FNDC1: variants seen among roughly 807,000 people sequenced by gnomAD.
The protein encoded by FNDC1 is fibronectin type III domain containing 1, also known as fibronectin type III domain-containing protein 1.
In FNDC1, 96 loss-of-function variants were observed where a neutral mutation model predicts 168.0. That is an observed-to-expected ratio of 0.57 (90% CI 0.48 to 0.68). The LOEUF (loss-of-function observed/expected upper bound fraction) is 0.68. FNDC1 is among the 30% of genes least tolerant of loss of function. FNDC1 has a pLI of 0.00. For synonymous variants in FNDC1, 1,099 were observed against 1,025.9 expected, an observed-to-expected ratio of 1.07 and a Z score of -1.36; for missense variants, 2,587 against 2,482.1, an observed-to-expected ratio of 1.04 and a Z score of -0.90.
chr6:159,257,545 A>G (rs1777401074), intron 18 of FNDC1, among the ~76,000 whole-genome samples: 2 of 152,168 alleles, frequency 1.3e-5, no homozygotes, highest in Admixed American at 1.3e-4. Context: ...GGTGCACCCA[A>G]GGCCTCTCAT....
chr6:159,207,889 T>C (rs546445677), intron 4 of FNDC1, among the ~76,000 whole-genome samples: 1 of 152,366 alleles, frequency 6.6e-6, no homozygotes, highest in South Asian at 2.1e-4. Flanking sequence ...TGTTAAATTT[T>C]CCTTAGAATA....
rs372428924 is a variant in FNDC1, at chr6:159,233,647, G to T, written c.3135G>T (p.Ser1045=). ...LTQAGRPRPT[S]QGRSHSSSDP... is the part of the protein sequence containing the mutation. ...AGGCCGGGCGGCCCCGCCCCACGTC[G>T]CAGGGCCGCTCCCACTCCTCCTCGG... The change falls in exon 11 of 23, where the codon TCG becomes TCT. Residue 1045 remains serine, a synonymous_variant. Coordinates refer to ENST00000297267, the MANE Select transcript of FNDC1 (RefSeq NM_032532.3). The surrounding 1 kb of genome is among the most constrained non-coding windows in gnomAD (Gnocchi z 4.6). The T allele has an allele frequency of 3.2e-6, 5 of 1,553,504 alleles. No individual in the cohort carries two copies. Among genetic ancestry groups the T allele is most frequent in the African/African-American group, 2.7e-5 (2 of 73,200 alleles).
In FNDC1 at chr6:159,239,678, A is replaced by T. The variant is rs1350428018; in HGVS notation, c.4342A>T (p.Thr1448Ser). The T allele has an allele frequency of 7.1e-6, 11 of 1,551,220 alleles. No individual in the cohort carries two copies. The highest frequency in any genetic ancestry group is 1.4e-5 in the African/African-American group (1 of 72,920). Residue 1448 changes from threonine (T) to serine (S), a missense_variant, in exon 14 of 23, where the codon ACC becomes TCC. Transcript: ENST00000297267. ...EVIKKTTHPP[T>S]TTMQPTTTTT... is the part of the protein sequence containing the mutation. Reference sequence around the variant, plus strand: ...CATCAAAAAAACCACCCATCCCCCTACCACTACCATGCAGCCCACCACTAC... The same window carrying T: ...CATCAAAAAAACCACCCATCCCCCTTCCACTACCATGCAGCCCACCACTAC...
intron 1 of FNDC1, among the ~76,000 whole-genome samples, chr6:159,195,187 C>T (rs552055747): frequency 6.6e-6 from 1 of 152,208 alleles, no homozygotes; most frequent in East Asian, 1.9e-4. Context: ...AAAGAACCTT[C>T]ATTAGGTAAC....
chr6:159,177,273 C>A (rs753987984), intron 1 of FNDC1, among the ~76,000 whole-genome samples: 4 of 152,136 alleles, frequency 2.6e-5, no homozygotes, highest in African/African-American at 4.8e-5. Flanking sequence ...TGAGCATGTG[C>A]CACTCTTGAA....
chr6:159,207,825 TTAAAC>T (rs1782519996), intron 4 of FNDC1, among the ~76,000 whole-genome samples: 1 of 152,106 alleles, frequency 6.6e-6, no homozygotes, highest in African/African-American at 2.4e-5. Context: ...CAGAAGAACT[TTAAAC>T]TAAAACAAAC....
chr6:159,171,405 C>T (rs141010801), intron 1 of FNDC1, among the ~76,000 whole-genome samples: 97 of 152,284 alleles, frequency 6.4e-4, no homozygotes, highest in African/African-American at 2.1e-3. Context: ...GGGTACATAA[C>T]TTCTTTCATG....
At position 159,188,939 on chromosome 6, in the gene FNDC1, A is replaced by G. The variant is rs547462907; in HGVS notation, c.110-8492A>G. On this transcript the variant is annotated intron_variant, in intron 1 of 22. Coordinates refer to ENST00000297267, the MANE Select transcript of FNDC1 (RefSeq NM_032532.3). ...GCTAATTTTTGTATTTTTAGTAGAG[A>G]CAGGGTTTCACCATGTTGGCCAGGC... is the stretch of plus-strand genomic sequence containing the variant. 1.4e-3 allele frequency among the ~76,000 whole-genome samples: 208 copies of G among 152,014 alleles called. 1 individual carries two copies. Among genetic ancestry groups the G allele is most frequent in the Non-Finnish European group, 2.4e-3 (163 of 67,974 alleles).
chr6:159,262,924 C>A (rs1217395112), intron 19 of FNDC1, among the ~76,000 whole-genome samples: 2 of 152,234 alleles, frequency 1.3e-5, no homozygotes, highest in African/African-American at 4.8e-5. Flanking sequence ...TCAGTTTATT[C>A]AAGTTTCTCC....
chr6:159,193,275 C>T (rs957036576), intron 1 of FNDC1, among the ~76,000 whole-genome samples: 3 of 152,160 alleles, frequency 2.0e-5, no homozygotes, highest in Admixed American at 2.0e-4. Flanking sequence ...CACCTTTTGT[C>T]TGAATTTCTT....
chr6:159,173,116 A>G (rs757852563), intron 1 of FNDC1, among the ~76,000 whole-genome samples: 2 of 152,254 alleles, frequency 1.3e-5, no homozygotes, highest in Non-Finnish European at 2.9e-5. Context: ...TCACAGAAAC[A>G]TAACCTCCTT....
At chr6:159,182,292 A>G (rs1781897519) in intron 1 of FNDC1, among the ~76,000 whole-genome samples, 1 of 152,200 alleles carries the variant, frequency 6.6e-6, no homozygotes, top group Non-Finnish European at 1.5e-5. Context: ...GCACTCTGAA[A>G]TTGTAATGTA....
rs774763265 is a variant in FNDC1 at position 159,169,993 on chromosome 6, A to T, written c.109+288A>T. On this transcript the variant is annotated intron_variant, in intron 1 of 22. Coordinates refer to ENST00000297267, the MANE Select transcript of FNDC1 (RefSeq NM_032532.3). This position sits in a 1 kb window ranked among gnomAD's most constrained non-coding sequence, Gnocchi z 6.8. ...GGGAGATTCAGGCACAGCGGGGAAA[A>T]AAGGAAAAGAAAGGCGACTTTCAGC... 4.5e-4 allele frequency: 81 copies of T among 178,878 alleles called. No individual in the cohort carries two copies. The highest frequency in any genetic ancestry group is 2.4e-3 in the South Asian group (12 of 5,040). The allele number at this position is 178,878 out of a possible 1,614,324, so 11.1% of individuals were successfully genotyped here.
At position 159,233,364 on chromosome 6, in the gene FNDC1, A is replaced by G; in HGVS notation, c.2852A>G (p.Asp951Gly). ...KYSSLASKAQ[D>G]VQQSTDADTE... ...TCCTCCCTGGCCTCCAAGGCTCAGG[A>G]TGTTCAACAGAGCACAGACGCGGAC... Residue 951 changes from aspartate to glycine, a missense_variant, in exon 11 of 23, where the codon GAT becomes GGT. By Grantham distance (94) the Asp-to-Gly change is moderately conservative. Transcript: ENST00000297267. This position sits in a 1 kb window ranked among gnomAD's most constrained non-coding sequence, Gnocchi z 4.6. 1 of 1,613,890 alleles carries G rather than the reference A, an allele frequency of 6.2e-7. No individual in the cohort carries two copies. Among genetic ancestry groups the G allele is most frequent in the Non-Finnish European group, 8.5e-7 (1 of 1,179,864 alleles).
At chr6:159,254,779 G>A (rs294892) in intron 17 of FNDC1, among the ~76,000 whole-genome samples, 95,563 of 150,794 alleles carry the variant, frequency 0.63, 31,735 homozygotes, top group Middle Eastern at 0.75. Context: ...TCTGGCCCTT[G>A]TCTGTGTTTC....
intron 22 of FNDC1, among the ~76,000 whole-genome samples, chr6:159,269,503 C>CTATCTATCG (rs1562316105): frequency 1.8e-4 from 20 of 108,290 alleles, no homozygotes; most frequent in African/African-American, 6.7e-4. Context: ...TCTATCTATC[C>CTATCTATCG]ATCCATCCAT....
chr6:159,208,844 A>ATTTTTTTTTTTTTTTT (rs369408600), intron 4 of FNDC1, among the ~76,000 whole-genome samples: 1 of 128,100 alleles, frequency 7.8e-6, no homozygotes, highest in Non-Finnish European at 1.6e-5. Context: ...GTTATTTTTA[A>ATTTTTTTTTTTTTTTT]TTTTTTTTTT....
intron 18 of FNDC1, 64 bp from the exon 19 acceptor site, chr6:159,261,126 T>C: frequency 7.8e-7 from 1 of 1,288,628 alleles, no homozygotes; most frequent in Non-Finnish European, 1.1e-6. Context: ...AGTTTGGGAG[T>C]CTGTTTTGTT....
intron 22 of FNDC1, among the ~76,000 whole-genome samples, chr6:159,269,475 T>C (rs189700539): frequency 1.7e-4 from 24 of 139,562 alleles, no homozygotes; most frequent in Non-Finnish European, 2.9e-4. Context: ...TCTATCTATC[T>C]ATCTATCTAT....
Sources: allele counts gnomAD v4.1 joint callset (sites outside exome capture counted in the v4.1 genomes callset), GRCh38; gene constraint gnomAD v4.1.1; non-coding constraint Gnocchi (gnomAD v3.1); transcripts MANE v1.5; gene names NCBI Gene and HGNC (gene_info 2026-07-23, HGNC 2026-07-21).